The following CTNNA2 variants were observed in gnomAD, a reference collection of about 807,000 sequenced individuals.
The protein encoded by CTNNA2 is catenin alpha 2, also known as catenin alpha-2.
In CTNNA2, 42 loss-of-function variants were observed where a neutral mutation model predicts 101.0. That is an observed-to-expected ratio of 0.42 (90% CI 0.32 to 0.54). The LOEUF (loss-of-function observed/expected upper bound fraction) is 0.54. Among genes scored for constraint, CTNNA2 ranks in the 20% least tolerant of loss-of-function variants. The probability of loss-of-function intolerance (pLI) is 0.14; values close to 1 mark genes in which losing one functional copy is unlikely to be tolerated. For missense variants in CTNNA2, 871 were observed against 1,223.1 expected (o/e 0.71, Z 4.29); for synonymous variants, 450 against 456.4 (o/e 0.99, Z 0.18).
chr2:80,447,892 C>A (rs1285905866), intron 9 of CTNNA2, among the ~76,000 whole-genome samples: 1 of 152,194 alleles, frequency 6.6e-6, no homozygotes, highest in Non-Finnish European at 1.5e-5. Flanking sequence ...CTTGCTCATT[C>A]TTCCAAGGAG....
intron 7 of CTNNA2, among the ~76,000 whole-genome samples, chr2:80,024,688 TC>T (rs562429963): frequency 2.0e-5 from 3 of 152,136 alleles, no homozygotes; most frequent in Non-Finnish European, 4.4e-5. Context: ...GTTGCAATGC[TC>T]TTTTAGCTCT....
At chr2:80,556,373 A>G (rs1396510884) in intron 12 of CTNNA2, among the ~76,000 whole-genome samples, 1 of 152,202 alleles carries the variant, frequency 6.6e-6, no homozygotes, top group Non-Finnish European at 1.5e-5. Context: ...GCCAGTGGAA[A>G]GCATAAAGGT....
chr2:80,458,943 A>T (rs974860), intron 9 of CTNNA2, among the ~76,000 whole-genome samples: 7,589 of 152,226 alleles, frequency 0.05, 616 homozygotes, highest in African/African-American at 0.17. Flanking sequence ...GCTGCCCTAT[A>T]CAGATGTACA....
intron 3 of CTNNA2, among the ~76,000 whole-genome samples, chr2:79,770,610 A>C (rs2105141191): frequency 6.6e-6 from 1 of 152,368 alleles, no homozygotes; most frequent in Non-Finnish European, 1.5e-5. Flanking sequence ...GTCAGTATTT[A>C]ACATTTGCAA....
chr2:80,391,854 C>T (rs1312787466), intron 7 of CTNNA2, among the ~76,000 whole-genome samples: 2 of 152,174 alleles, frequency 1.3e-5, no homozygotes, highest in Non-Finnish European at 1.5e-5. Context: ...ACCTTAGTGT[C>T]TACATCTGAA....
At chr2:80,027,750 A>G (rs150931709) in intron 7 of CTNNA2, among the ~76,000 whole-genome samples, 199 of 152,110 alleles carry the variant, frequency 1.3e-3, no homozygotes, top group African/African-American at 4.5e-3. Flanking sequence ...GGAGCATTGC[A>G]TGAGGCCAGG....
chr2:79,258,021 T>C (rs1298618685), intron 2 of CTNNA2, among the ~76,000 whole-genome samples: 2 of 152,152 alleles, frequency 1.3e-5, no homozygotes, highest in Non-Finnish European at 2.9e-5. Context: ...GGCCATCTTC[T>C]TACCAGGAGA....
In CTNNA2 at chr2:80,398,216, G is replaced by A. The variant is rs753226974; in HGVS notation, c.1137+4925G>A. Among the ~76,000 whole-genome samples the A allele has an allele frequency of 3.1e-4, 47 of 152,170 alleles. 1 individual carries two copies. The highest frequency in any genetic ancestry group is 4.6e-4 in the African/African-American group (19 of 41,524). The stretch of plus-strand genomic sequence containing the variant: ...TACAGAAAAAAGAGAATGTTAAGGC[G>A]TTCTATTGTTTTTCTCACATCTGCT... On this transcript the variant is annotated intron_variant, in intron 8 of 18. Transcript: ENST00000402739.
Position 80,313,597 on chromosome 2 carries a change from C to T in CTNNA2, c.1057-79614C>T, listed in dbSNP as rs1300413778. 3 of 1,611,318 alleles carry T rather than the reference C, an allele frequency of 1.9e-6. No homozygotes were observed. In the East Asian group the frequency reaches 6.7e-5, roughly 36 times the overall value. On this transcript the variant is annotated intron_variant, in intron 7 of 18. Transcript: ENST00000402739. ...GGAGAAGGCCACTCCAGTCAGTAGG[C>T]AAAGTCTGTGAAAAAAATATGAAGA...
chr2:79,948,650 A>C (rs1688665390), intron 7 of CTNNA2, among the ~76,000 whole-genome samples: 1 of 152,212 alleles, frequency 6.6e-6, no homozygotes, highest in Non-Finnish European at 1.5e-5. Context: ...TTCCAGGAAA[A>C]TATTAATGAC....
chr2:79,771,997 C>T (rs188287553), intron 3 of CTNNA2, among the ~76,000 whole-genome samples: 1 of 151,112 alleles, frequency 6.6e-6, no homozygotes, highest in Admixed American at 6.6e-5. Flanking sequence ...GTTAACCCCC[C>T]CTCCTCCCCT....
intron 7 of CTNNA2, among the ~76,000 whole-genome samples, chr2:80,096,121 G>C (rs866954838): frequency 6.6e-6 from 1 of 151,304 alleles, no homozygotes; most frequent in African/African-American, 2.4e-5. Context: ...GATCTTTCCT[G>C]CTTTCTCTTG....
At position 80,391,440 on chromosome 2, in the gene CTNNA2, C is replaced by T. The variant is rs1035392416; in HGVS notation, c.1057-1771C>T. ...TTGAAAAGTTTAGTAATCGATCCTC[C>T]ATCTGTTGCAGCCAAGTTTTCAACT... On this transcript the variant is annotated intron_variant, in intron 7 of 18. Coordinates refer to ENST00000402739, the MANE Select transcript of CTNNA2 (RefSeq NM_001282597.3). 3.3e-5 allele frequency among the ~76,000 whole-genome samples: 5 copies of T among 152,262 alleles called. No individual in the cohort carries two copies. In the South Asian group the frequency reaches 6.2e-4, roughly 19 times the overall value.
chr2:79,304,425 T>C (rs1573056585), intron 2 of CTNNA2, among the ~76,000 whole-genome samples: 1 of 152,252 alleles, frequency 6.6e-6, no homozygotes, highest in Non-Finnish European at 1.5e-5. Flanking sequence ...TTAATGCAAT[T>C]TCCACTCTGG....
intron 2 of CTNNA2, among the ~76,000 whole-genome samples, chr2:79,273,599 TC>T: frequency 6.6e-6 from 1 of 152,188 alleles, no homozygotes; most frequent in Non-Finnish European, 1.5e-5. Flanking sequence ...TATCAAACAG[TC>T]ATTGGCCAAA....
In CTNNA2 at chr2:79,225,483, T is replaced by C. The variant is rs112385776; in HGVS notation, c.-406+27407T>C. On this transcript the variant is annotated intron_variant, in intron 2 of 21. Transcript: ENST00000466387. ...TCTCATCTGTAGAATTACTAGGAGA[T>C]GTGTGAAAGGTGAGAGAAAAAGAAA... Among the ~76,000 whole-genome samples the C allele has an allele frequency of 1.3e-3, 202 of 152,254 alleles. 2 individuals are homozygous for C. Among genetic ancestry groups the C allele is most frequent in the African/African-American group, 4.7e-3 (194 of 41,560 alleles).
intron 2 of CTNNA2, among the ~76,000 whole-genome samples, chr2:79,245,071 G>A (rs1674681950): frequency 6.6e-6 from 1 of 150,910 alleles, no homozygotes; most frequent in Non-Finnish European, 1.5e-5. Flanking sequence ...CTCCAGCCTG[G>A]ACAACAAGAG....
chr2:80,130,448 T>G (rs1702353493), intron 7 of CTNNA2, among the ~76,000 whole-genome samples: 1 of 152,220 alleles, frequency 6.6e-6, no homozygotes, highest in Admixed American at 6.5e-5. Context: ...CTCCAGGAGC[T>G]GCAGTTGGGA....
intron 15 of CTNNA2, among the ~76,000 whole-genome samples, chr2:80,597,867 G>T (rs1697122802): frequency 6.6e-6 from 1 of 152,148 alleles, no homozygotes; most frequent in African/African-American, 2.4e-5. Flanking sequence ...TTACACTGTT[G>T]GTGGGAGTGT....
Sources: allele counts gnomAD v4.1 joint callset (sites outside exome capture counted in the v4.1 genomes callset), GRCh38; gene constraint gnomAD v4.1.1; transcripts MANE v1.5; gene names NCBI Gene and HGNC (gene_info 2026-07-23, HGNC 2026-07-21).